Variants in ERCC1 observed in about 807,000 individuals in gnomAD.
ERCC1 encodes ERCC excision repair 1, endonuclease non-catalytic subunit.
A neutral mutation model predicts 37.6 loss-of-function variants in ERCC1; 36 were observed. The observed-to-expected ratio is 0.96, with a 90% confidence interval of 0.73 to 1.26. ERCC1 has a LOEUF of 1.26. ERCC1 is among the 50% of genes most tolerant of loss of function. The probability of loss-of-function intolerance (pLI) is 0.00; values close to 1 mark genes in which losing one functional copy is unlikely to be tolerated. For synonymous variants in ERCC1, 156 were observed against 162.1 expected (o/e 0.96, Z 0.28); for missense variants, 349 against 376.5 (o/e 0.93, Z 0.60).
At chr19:45,417,588 T>TA (rs1435769923) in intron 5 of ERCC1, among the ~76,000 whole-genome samples, 1 of 152,082 alleles carries the variant, frequency 6.6e-6, no homozygotes, top group Admixed American at 6.6e-5. Context: ...CATGGAATCT[T>TA]AGAGACGGGC....
intron 1 of ERCC1, chr19:45,449,199 A>C (rs1382039661): frequency 1.3e-5 from 2 of 152,294 alleles, no homozygotes; most frequent in Admixed American, 1.3e-4. Flanking sequence ...AGGATTCAGC[A>C]CAGCAAGGAT....
chr19:45,447,382 T>G (rs1355476581), intron 1 of ERCC1, among the ~76,000 whole-genome samples: 1 of 150,580 alleles, frequency 6.6e-6, no homozygotes, highest in Non-Finnish European at 1.5e-5. Context: ...TTCAAGCGAT[T>G]CTCCTGCCTC....
chr19:45,446,191 C>T (rs1165548537), intron 1 of ERCC1, among the ~76,000 whole-genome samples: 1 of 152,150 alleles, frequency 6.6e-6, no homozygotes, highest in Non-Finnish European at 1.5e-5. Context: ...TGAGCCACCG[C>T]GCCTGGCTTG....
chr19:45,440,835 G>C (rs1242746283), intron 1 of ERCC1, among the ~76,000 whole-genome samples: 1 of 152,160 alleles, frequency 6.6e-6, no homozygotes, highest in Non-Finnish European at 1.5e-5. Context: ...CTGGGTTCAA[G>C]AGATCCTCCC....
chr19:45,426,567 A>AAT (rs1974698465), upstream of ERCC1, among the ~76,000 whole-genome samples: 1 of 149,668 alleles, frequency 6.7e-6, no homozygotes, highest in Admixed American at 6.7e-5. Context: ...AAAAAAAAAA[A>AAT]TTTTTTTTGA....
At chr19:45,427,563 G>C (rs558440893), upstream of ERCC1, among the ~76,000 whole-genome samples, 2 of 152,204 alleles carry the variant, frequency 1.3e-5, no homozygotes, top group Non-Finnish European at 2.9e-5. Context: ...GCAGTGAGCC[G>C]AGATTACACC....
upstream of ERCC1, among the ~76,000 whole-genome samples, chr19:45,424,876 A>G (rs1974633993): frequency 6.6e-6 from 1 of 150,694 alleles, no homozygotes; most frequent in South Asian, 2.1e-4. Flanking sequence ...TGGTGTGTTA[A>G]GAGCCCTGCC....
chr19:45,435,108 G>A (rs556490686), intron 1 of ERCC1, among the ~76,000 whole-genome samples: 125 of 151,952 alleles, frequency 8.2e-4, no homozygotes, highest in African/African-American at 2.7e-3. Flanking sequence ...TAGTAGAGAC[G>A]GGGTTTCCCC....
chr19:45,431,974 A>G (rs1040978087), intron 1 of ERCC1, among the ~76,000 whole-genome samples: 2 of 151,890 alleles, frequency 1.3e-5, no homozygotes, highest in Admixed American at 1.3e-4. Flanking sequence ...TTAATTTTTT[A>G]TTTTTTTATT....
chr19:45,419,435 T>C (rs1225864122), intron 4 of ERCC1: 5 of 515,656 alleles, frequency 9.7e-6, no homozygotes, highest in Non-Finnish European at 1.8e-5. Flanking sequence ...CCCTGGCTTC[T>C]TCATGAAGAG....
Sources: allele counts gnomAD v4.1 joint callset (sites outside exome capture counted in the v4.1 genomes callset), GRCh38; gene constraint gnomAD v4.1.1; transcripts MANE v1.5; gene names NCBI Gene and HGNC (gene_info 2026-07-23, HGNC 2026-07-21).